Variants in MECOM observed in about 807,000 individuals in gnomAD.
MECOM encodes histone-lysine N-methyltransferase MECOM.
In MECOM, 13 loss-of-function variants were observed where a neutral mutation model predicts 116.3. The observed-to-expected ratio is 0.11, with a 90% confidence interval of 0.07 to 0.18. The LOEUF (loss-of-function observed/expected upper bound fraction) is 0.18, where lower values mean the gene tolerates loss of function less well. MECOM is among the 10% of genes least tolerant of loss of function. The pLI, the probability that MECOM is intolerant of heterozygous loss-of-function variation, is 1.00. For missense variants in MECOM, 1,299 were observed against 1,509.0 expected (o/e 0.86, Z 2.31); for synonymous variants, 528 against 535.2 (o/e 0.99, Z 0.19).
intron 2 of MECOM, among the ~76,000 whole-genome samples, chr3:169,291,660 A>G (rs1479282746): frequency 6.6e-6 from 1 of 152,230 alleles, no homozygotes; most frequent in Non-Finnish European, 1.5e-5. Flanking sequence ...AGTCATTGTT[A>G]TAGCATCTAT....
chr3:169,130,017 C>T (rs1734138093), intron 4 of MECOM, among the ~76,000 whole-genome samples: 1 of 152,066 alleles, frequency 6.6e-6, no homozygotes, highest in Non-Finnish European at 1.5e-5. Context: ...TACAAATCAT[C>T]ATTTAAATAT....
At chr3:169,324,084 G>A (rs1560132247) in intron 2 of MECOM, among the ~76,000 whole-genome samples, 1 of 152,176 alleles carries the variant, frequency 6.6e-6, no homozygotes, top group Non-Finnish European at 1.5e-5. Context: ...GGGGCTTCCT[G>A]AGTTATACAA....
chr3:169,614,960 A>G (rs940454082), intron 1 of MECOM: 3 of 152,266 alleles, frequency 2.0e-5, no homozygotes, highest in African/African-American at 7.2e-5. Context: ...TCAGCAAGTT[A>G]TCCAATCTGT....
intron 1 of MECOM, among the ~76,000 whole-genome samples, chr3:169,401,971 C>T (rs1251130576): frequency 3.3e-5 from 5 of 152,090 alleles, no homozygotes; most frequent in Non-Finnish European, 5.9e-5. Context: ...AGCATGATCA[C>T]TCTGATTCAA....
chr3:169,644,658 A>G (rs1468582726), intron 1 of MECOM, among the ~76,000 whole-genome samples: 1 of 152,192 alleles, frequency 6.6e-6, no homozygotes, highest in African/African-American at 2.4e-5. Flanking sequence ...TCAACAATTG[A>G]ACCATCATAT....
intron 2 of MECOM, among the ~76,000 whole-genome samples, chr3:169,155,808 G>T (rs753024689): frequency 2.6e-5 from 4 of 152,110 alleles, no homozygotes; most frequent in Non-Finnish European, 5.9e-5. Flanking sequence ...CTTCAACTGT[G>T]CTGAGGTAGG....
chr3:169,506,461 G>C (rs1485351570), intron 1 of MECOM, among the ~76,000 whole-genome samples: 1 of 125,036 alleles, frequency 8.0e-6, no homozygotes, highest in East Asian at 3.0e-4. Context: ...TCTGAGGTGA[G>C]TACTCTTTTT....
At chr3:169,479,735 T>TA (rs1751012042) in intron 1 of MECOM, among the ~76,000 whole-genome samples, 1 of 149,702 alleles carries the variant, frequency 6.7e-6, no homozygotes, top group South Asian at 2.1e-4. Flanking sequence ...ATATAACCAC[T>TA]AAAACTCATG....
At chr3:169,320,279 G>T (rs1432152250) in intron 2 of MECOM, among the ~76,000 whole-genome samples, 1 of 152,106 alleles carries the variant, frequency 6.6e-6, no homozygotes, top group Admixed American at 6.6e-5. Flanking sequence ...TGTTTTTGAG[G>T]GTAAAAGAGG....
intron 2 of MECOM, among the ~76,000 whole-genome samples, chr3:169,191,424 C>T (rs1021063235): frequency 6.6e-6 from 1 of 151,630 alleles, no homozygotes. Context: ...GGCAGGTCTA[C>T]GTTGAGACCT....
intron 1 of MECOM, among the ~76,000 whole-genome samples, chr3:169,412,420 G>A (rs1298810363): frequency 6.6e-6 from 1 of 151,732 alleles, no homozygotes; most frequent in Admixed American, 6.6e-5. Context: ...TCCATAAAAA[G>A]AAAGATGATG....
intron 2 of MECOM, among the ~76,000 whole-genome samples, chr3:169,372,344 G>A (rs1246287450): frequency 6.6e-6 from 1 of 152,030 alleles, no homozygotes; most frequent in African/African-American, 2.4e-5. Context: ...GATCAGCAAA[G>A]AAAATGTGCC....
intron 2 of MECOM, among the ~76,000 whole-genome samples, chr3:169,240,875 T>C (rs1035661553): frequency 6.6e-6 from 1 of 152,154 alleles, no homozygotes; most frequent in African/African-American, 2.4e-5. Context: ...TAGCTAATGC[T>C]TTCTCCTGTG....
intron 1 of MECOM, among the ~76,000 whole-genome samples, chr3:169,417,199 AC>A (rs1738800203): frequency 6.6e-6 from 1 of 151,244 alleles, no homozygotes; most frequent in African/African-American, 2.4e-5. Flanking sequence ...AATTTTCACA[AC>A]CTACTCATCT....
chr3:169,552,774 T>C (rs968625439), intron 1 of MECOM, among the ~76,000 whole-genome samples: 1 of 140,360 alleles, frequency 7.1e-6, no homozygotes, highest in Non-Finnish European at 1.5e-5. Context: ...TTGCAAGCTC[T>C]GTAAGACCAG....
chr3:169,388,442 A>C (rs1353491656), intron 1 of MECOM, among the ~76,000 whole-genome samples: 1 of 152,202 alleles, frequency 6.6e-6, no homozygotes, highest in Admixed American at 6.5e-5. Context: ...GAGGCTATGA[A>C]CTGGCCAGCA....
chr3:169,167,674 T>G (rs113821648), intron 2 of MECOM, among the ~76,000 whole-genome samples: 2,937 of 152,284 alleles, frequency 0.019, 73 homozygotes, highest in Non-Finnish European at 0.024. Flanking sequence ...GAAAGTATAC[T>G]TTACAGATAT....
chr3:169,164,453 C>T (rs916091537), intron 2 of MECOM, among the ~76,000 whole-genome samples: 20 of 152,216 alleles, frequency 1.3e-4, no homozygotes, highest in African/African-American at 4.6e-4. Flanking sequence ...GGCATGAAAA[C>T]CGACTAATAC....
At chr3:169,105,753 G>A (rs71306621) in intron 10 of MECOM, among the ~76,000 whole-genome samples, 38,365 of 151,926 alleles carry the variant, frequency 0.25, 5,071 homozygotes, top group Non-Finnish European at 0.28. Flanking sequence ...GCAGCCAGAT[G>A]TCTGGAAGAG....
Sources: gnomAD v4.1 joint callset for allele counts (sites outside exome capture counted in the v4.1 genomes callset) on GRCh38, gnomAD v4.1.1 for gene constraint, MANE v1.5 for transcripts, NCBI Gene and HGNC (gene_info 2026-07-23, HGNC 2026-07-21) for gene names.